Variants in RAB30 observed in about 807,000 individuals in gnomAD.
RAB30 encodes ras-related protein Rab-30.
In RAB30, 9 loss-of-function variants were observed where a neutral mutation model predicts 25.1. The ratio of observed to expected loss-of-function variants is 0.36; its 90% CI spans 0.22 to 0.63. The LOEUF (loss-of-function observed/expected upper bound fraction) is 0.63. RAB30 is among the 20% of genes least tolerant of loss of function. RAB30 has a pLI of 0.69. For missense variants in RAB30, 140 were observed against 243.5 expected (o/e 0.58, Z 2.83); for synonymous variants, 77 against 86.4 (o/e 0.89, Z 0.60).
chr11:83,024,943 G>C (rs1039913148), intron 1 of RAB30, among the ~76,000 whole-genome samples: 1 of 152,176 alleles, frequency 6.6e-6, no homozygotes, highest in African/African-American at 2.4e-5. Context: ...CATCTTTCAA[G>C]ATCTGAGGTG....
chr11:83,033,087 CAG>C (rs1211422226), intron 1 of RAB30, among the ~76,000 whole-genome samples: 58 of 100,498 alleles, frequency 5.8e-4, no homozygotes, highest in African/African-American at 2.2e-3. Context: ...TTTTTTGAGA[CAG>C]AGTCTTGCTC....
chr11:83,040,059 G>A (rs1858073041), intron 1 of RAB30, among the ~76,000 whole-genome samples: 3 of 152,152 alleles, frequency 2.0e-5, no homozygotes, highest in African/African-American at 7.2e-5. Context: ...AAAAGAAAAG[G>A]AAAAGTTGAA....
chr11:83,052,060 G>A (rs1018901659), intron 1 of RAB30, among the ~76,000 whole-genome samples: 21 of 152,184 alleles, frequency 1.4e-4, no homozygotes, highest in Admixed American at 1.0e-3. Context: ...ATGCCTCCTT[G>A]AGCAATAATC....
chr11:83,013,942 T>C (rs1470128187), intron 1 of RAB30, among the ~76,000 whole-genome samples: 2 of 152,246 alleles, frequency 1.3e-5, no homozygotes, highest in East Asian at 1.9e-4. Flanking sequence ...ACATAAGTGT[T>C]GGCCTCTCCA....
At chr11:83,064,925 G>C (rs1182452437) in intron 1 of RAB30, among the ~76,000 whole-genome samples, 1 of 151,770 alleles carries the variant, frequency 6.6e-6, no homozygotes, top group Non-Finnish European at 1.5e-5. Context: ...AGGATTACAT[G>C]TTCCATTTGG....
chr11:83,063,002 CA>C (rs34529308), intron 1 of RAB30, among the ~76,000 whole-genome samples: 1,995 of 101,770 alleles, frequency 0.02, 11 homozygotes, highest in East Asian at 0.066. Context: ...GACTCCGTCT[CA>C]AAAAAAAAAA....
intron 1 of RAB30, among the ~76,000 whole-genome samples, chr11:83,036,772 T>C (rs866365371): frequency 3.3e-5 from 5 of 152,172 alleles, no homozygotes; most frequent in Non-Finnish European, 4.4e-5. Flanking sequence ...GCCAGGCATT[T>C]GCAAAGCTAG....
rs1256786353 is a variant in RAB30 at position 82,976,012 on chromosome 11, T to C, written c.*6153A>G. On this transcript the variant is annotated 3_prime_UTR_variant, in exon 5 of 5. Transcript: ENST00000527633. ...TCAGTTCTAAGATTAAGCTTCCTGATAATGAGTTTACAACCCTGGAATTGC... is the reference window on the plus strand; with the variant it reads ...TCAGTTCTAAGATTAAGCTTCCTGACAATGAGTTTACAACCCTGGAATTGC... The C allele has an allele frequency of 1.3e-5, 2 of 152,194 alleles. No individual in the cohort carries two copies. The highest frequency in any genetic ancestry group is 2.9e-5 in the Non-Finnish European group (2 of 68,022). The allele number at this position is 152,194 out of a possible 1,614,324, so 9.4% of individuals were successfully genotyped here. A position where few individuals can be genotyped will look rare whatever the true frequency, so the allele number is the denominator to read the frequency against.
At chr11:82,983,995 A>C (rs1172508120) in intron 4 of RAB30, among the ~76,000 whole-genome samples, 2 of 152,222 alleles carry the variant, frequency 1.3e-5, no homozygotes, top group African/African-American at 4.8e-5. Context: ...ATATAAAATT[A>C]ATGTGGTTAA....
intron 1 of RAB30, among the ~76,000 whole-genome samples, chr11:83,029,544 G>T (rs1857804630): frequency 6.6e-6 from 1 of 151,982 alleles, no homozygotes; most frequent in South Asian, 2.1e-4. Flanking sequence ...TGGGATTACA[G>T]GTATGAACCT....
intron 1 of RAB30, among the ~76,000 whole-genome samples, chr11:83,064,845 C>T (rs1263233083): frequency 2.0e-5 from 3 of 152,128 alleles, no homozygotes; most frequent in Non-Finnish European, 4.4e-5. Context: ...ATGTAGCTCC[C>T]ATTCAAATTT....
At chr11:83,029,462 G>A (rs1857802862) in intron 1 of RAB30, among the ~76,000 whole-genome samples, 1 of 151,672 alleles carries the variant, frequency 6.6e-6, no homozygotes, top group Non-Finnish European at 1.5e-5. Flanking sequence ...GAGTGCAGTG[G>A]TGTCATCATG....
At chr11:83,031,604 C>G (rs898545204) in intron 1 of RAB30, among the ~76,000 whole-genome samples, 1 of 151,582 alleles carries the variant, frequency 6.6e-6, no homozygotes, top group Non-Finnish European at 1.5e-5. Context: ...CTCGGCACAC[C>G]GCAACCTCCG....
chr11:83,026,739 T>C (rs1194930544), intron 1 of RAB30, among the ~76,000 whole-genome samples: 2 of 152,132 alleles, frequency 1.3e-5, no homozygotes, highest in African/African-American at 4.8e-5. Context: ...GGAGAAGGTG[T>C]CACACTGAAC....
chr11:83,068,996 T>G (rs914118401), intron 1 of RAB30, among the ~76,000 whole-genome samples: 1 of 152,248 alleles, frequency 6.6e-6, no homozygotes, highest in Non-Finnish European at 1.5e-5. Context: ...CAGTGCTTAG[T>G]ACATGGTAGC....
Position 82,980,709 on chromosome 11 carries a change from A to T in RAB30, c.*1456T>A, listed in dbSNP as rs1054594667. 1.3e-5 allele frequency: 2 copies of T among 152,176 alleles called. No homozygotes were observed. The highest frequency in any genetic ancestry group is 2.4e-5 in the African/African-American group (1 of 41,448). The allele number at this position is 152,176 out of a possible 1,614,324, so 9.4% of individuals were successfully genotyped here. On this transcript the variant is annotated 3_prime_UTR_variant, in exon 5 of 5. Coordinates refer to ENST00000527633, the MANE Select transcript of RAB30 (RefSeq NM_001286060.2). ...AAAGTATGGCACTGAAGAAAAAGAA[A>T]CACATATTCAGCAGCACATCTCCCA...
At chr11:83,011,035 G>A (rs1362260393) in intron 1 of RAB30, among the ~76,000 whole-genome samples, 2 of 152,198 alleles carry the variant, frequency 1.3e-5, no homozygotes, top group Admixed American at 6.5e-5. Context: ...ATATCAACAA[G>A]GGCATTTCAA....
chr11:83,057,683 T>C (rs1328489802), intron 1 of RAB30, among the ~76,000 whole-genome samples: 3 of 152,180 alleles, frequency 2.0e-5, no homozygotes, highest in Non-Finnish European at 4.4e-5. Context: ...CCTAGGACAA[T>C]CACAACTTCA....
intron 2 of RAB30, among the ~76,000 whole-genome samples, chr11:82,996,641 CATATG>C (rs1456520304): frequency 2.0e-5 from 3 of 152,182 alleles, no homozygotes; most frequent in Admixed American, 2.0e-4. Context: ...GTACTTAGAT[CATATG>C]ATAAGAATTG....
Sources: gnomAD v4.1 joint callset for allele counts (sites outside exome capture counted in the v4.1 genomes callset) on GRCh38, gnomAD v4.1.1 for gene constraint, MANE v1.5 for transcripts, NCBI Gene and HGNC (gene_info 2026-07-23, HGNC 2026-07-21) for gene names.